The following USP37 variants were observed in gnomAD, a reference collection of about 807,000 sequenced individuals.
The protein encoded by USP37 is ubiquitin carboxyl-terminal hydrolase 37.
In USP37, 27 loss-of-function variants were observed where a neutral mutation model predicts 124.0. The observed-to-expected ratio is 0.22, with a 90% CI of 0.16 to 0.30. USP37 has a LOEUF of 0.30. Among genes scored for constraint, USP37 ranks in the 10% least tolerant of loss-of-function variants. The probability of loss-of-function intolerance (pLI) is 1.00; values close to 1 mark genes in which losing one functional copy is unlikely to be tolerated. For missense variants in USP37, 889 were observed against 1,140.4 expected, an observed-to-expected ratio of 0.78 and a Z score of 3.17; for synonymous variants, 365 against 388.0, an observed-to-expected ratio of 0.94 and a Z score of 0.70.
intron 3 of USP37, among the ~76,000 whole-genome samples, chr2:218,559,952 C>T (rs1486363602): frequency 6.6e-6 from 1 of 151,996 alleles, no homozygotes; most frequent in Non-Finnish European, 1.5e-5. Context: ...TCAATTCCAG[C>T]CTAGGTGACA....
intron 10 of USP37, among the ~76,000 whole-genome samples, chr2:218,523,179 C>T (rs1253412984): frequency 6.6e-6 from 1 of 152,086 alleles, no homozygotes; most frequent in Non-Finnish European, 1.5e-5. Flanking sequence ...AGGAGAATCG[C>T]TTGAACCCGG....
intron 10 of USP37, among the ~76,000 whole-genome samples, chr2:218,522,672 T>C (rs768228400): frequency 3.9e-5 from 6 of 152,054 alleles, no homozygotes; most frequent in Non-Finnish European, 8.8e-5. Context: ...TTTTATTAAT[T>C]TGGGGATAAA....
At chr2:218,555,576 ACAAAG>A (rs1402456788) in intron 4 of USP37, among the ~76,000 whole-genome samples, 6 of 152,250 alleles carry the variant, frequency 3.9e-5, no homozygotes, top group Admixed American at 6.5e-5. Context: ...AATTAAATAT[ACAAAG>A]CAAAGTTTGT....
chr2:218,565,150 G>C (rs934492494), intron 1 of USP37, among the ~76,000 whole-genome samples: 1 of 152,234 alleles, frequency 6.6e-6, no homozygotes, highest in East Asian at 1.9e-4. Context: ...ATCGAACTCC[G>C]GGGCTCAAGC....
chr2:218,475,149 A>T (rs1454593242), intron 19 of USP37, among the ~76,000 whole-genome samples: 2 of 152,196 alleles, frequency 1.3e-5, no homozygotes, highest in East Asian at 3.8e-4. Context: ...ATAATAAAAT[A>T]AATTCATTCA....
chr2:218,513,892 C>T (rs1489731082), intron 10 of USP37, among the ~76,000 whole-genome samples: 2 of 152,182 alleles, frequency 1.3e-5, no homozygotes, highest in African/African-American at 2.4e-5. Flanking sequence ...TCACGGCAAC[C>T]TCTGCCTCCC....
chr2:218,488,487 G>A, intron 14 of USP37, 66 bp from the exon 15 acceptor site: 1 of 1,020,536 alleles, frequency 9.8e-7, no homozygotes, highest in Non-Finnish European at 1.5e-6. Context: ...ATATACCTGA[G>A]AAACTCTGTT....
intron 1 of USP37, among the ~76,000 whole-genome samples, chr2:218,566,197 A>C (rs185183345): frequency 1.4e-4 from 22 of 152,366 alleles, no homozygotes; most frequent in Admixed American, 1.2e-3. Flanking sequence ...TGAAAACTGC[A>C]GAAGGAGATG....
chr2:218,512,711 T>C (rs1355979413), intron 10 of USP37, among the ~76,000 whole-genome samples: 1 of 152,188 alleles, frequency 6.6e-6, no homozygotes, highest in African/African-American at 2.4e-5. Context: ...CGGCATTATC[T>C]AAAAGTTTTA....
intron 10 of USP37, among the ~76,000 whole-genome samples, chr2:218,515,027 T>C (rs1690197159): frequency 6.6e-6 from 1 of 152,180 alleles, no homozygotes; most frequent in African/African-American, 2.4e-5. Context: ...CTTTACTTTC[T>C]GGCACCACAA....
At chr2:218,566,840 G>A (rs1196709784) in intron 1 of USP37, among the ~76,000 whole-genome samples, 5 of 152,200 alleles carry the variant, frequency 3.3e-5, no homozygotes, top group Admixed American at 3.3e-4. Context: ...AACTTGGAGA[G>A]AGTAGAAGTC....
chr2:218,549,204 T>A (rs941701068), intron 6 of USP37, among the ~76,000 whole-genome samples: 1 of 152,090 alleles, frequency 6.6e-6, no homozygotes, highest in African/African-American at 2.4e-5. Flanking sequence ...ATACACAACT[T>A]ACTGCATGTC....
chr2:218,544,430 T>TGGAG (rs1553557432), intron 8 of USP37, among the ~76,000 whole-genome samples: 1 of 50,806 alleles, frequency 2.0e-5, no homozygotes, highest in Non-Finnish European at 2.9e-5. Flanking sequence ...TATATATATA[T>TGGAG]AGAGAGAGAG....
At chr2:218,468,172 G>C (rs1221700576) in intron 20 of USP37, among the ~76,000 whole-genome samples, 1 of 151,034 alleles carries the variant, frequency 6.6e-6, no homozygotes, top group African/African-American at 2.4e-5. Context: ...TAACAGGCGT[G>C]AGCCACCATA....
At chr2:218,547,397 G>C (rs768952013) in intron 6 of USP37, among the ~76,000 whole-genome samples, 8 of 114,182 alleles carry the variant, frequency 7.0e-5, no homozygotes, top group Non-Finnish European at 1.1e-4. Context: ...CTGCGGTAAG[G>C]CTCATTCATC....
chr2:218,528,127 A>C (rs1691082332), intron 10 of USP37: 2 of 152,208 alleles, frequency 1.3e-5, no homozygotes, highest in Admixed American at 6.6e-5. Context: ...ACTCGAACCC[A>C]GAAGGCAGAG....
In USP37 at chr2:218,459,837, T is replaced by C; in HGVS notation, c.2596A>G (p.Met866Val). The C allele has an allele frequency of 6.2e-7, 1 of 1,613,930 alleles. No homozygotes were observed. The highest frequency in any genetic ancestry group is 1.1e-5 in the South Asian group (1 of 91,082). Residue 866 changes from methionine to valine, a missense_variant, in exon 23 of 26, where the codon ATG (methionine) becomes GTG (valine). Met to Val is a conservative substitution (Grantham distance 21). This residue lies in a region of USP37 where 504 missense variants were observed against 714.3 expected (regional missense o/e 0.71). Coordinates refer to ENST00000258399, the MANE Select transcript of USP37 (RefSeq NM_020935.3). ...TCAGCTTCAGCTTCTGTGTACTCCA[T>C]ATCAAAAACATCCTCATTTCCAGAG... ...EDSGNEDVFD[M>V]EYTEAEAEEL...
chr2:218,455,554 AT>A (rs1420901019), intron 25 of USP37, 25 bp downstream of exon 25: 9 of 1,568,922 alleles, frequency 5.7e-6, no homozygotes, highest in Non-Finnish European at 7.8e-6. Context: ...CTAACTCATT[AT>A]TTAGAATCTG....
chr2:218,476,794 G>T, intron 19 of USP37, 46 bp downstream of exon 19: 2 of 1,568,188 alleles, frequency 1.3e-6, no homozygotes, highest in South Asian at 1.2e-5. Context: ...TGGACAGTAA[G>T]AGATAAACAA....
Sources: gnomAD v4.1 joint callset for allele counts (sites outside exome capture counted in the v4.1 genomes callset) on GRCh38, gnomAD v4.1.1 for gene constraint, gnomAD v4.1.1 regional missense constraint, MANE v1.5 for transcripts, NCBI Gene and HGNC (gene_info 2026-07-23, HGNC 2026-07-21) for gene names.